Variants in ABCG2 observed in about 807,000 individuals in gnomAD.
The protein encoded by ABCG2 is ATP binding cassette subfamily G member 2 (JR blood group), also known as broad substrate specificity ATP-binding cassette transporter ABCG2.
ABCG2 carries 80 observed loss-of-function variants against 73.5 expected under a neutral mutation model. The ratio of observed to expected loss-of-function variants is 1.09; its 90% CI spans 0.91 to 1.31. ABCG2 has a LOEUF of 1.31. ABCG2 is among the 50% of genes most tolerant of loss of function. The pLI, the probability that ABCG2 is intolerant of heterozygous loss-of-function variation, is 0.00. For synonymous variants in ABCG2, 269 were observed against 282.4 expected (o/e 0.95, Z 0.48); for missense variants, 796 against 786.2 (o/e 1.01, Z -0.15).
At chr4:88,099,064 A>G (rs1722195712) in intron 12 of ABCG2, among the ~76,000 whole-genome samples, 1 of 152,206 alleles carries the variant, frequency 6.6e-6, no homozygotes, top group Non-Finnish European at 1.5e-5. Context: ...ACTGCACTCC[A>G]GCCTGGGTGA....
intron 1 of ABCG2, among the ~76,000 whole-genome samples, chr4:88,196,469 G>A (rs1214043956): frequency 6.6e-6 from 1 of 152,130 alleles, no homozygotes; most frequent in African/African-American, 2.4e-5. Context: ...GCATAAGGAA[G>A]TTTTTCTGTT....
intron 1 of ABCG2, among the ~76,000 whole-genome samples, chr4:88,189,029 A>AT (rs1728579336): frequency 6.6e-6 from 1 of 151,612 alleles, no homozygotes; most frequent in East Asian, 1.9e-4. Flanking sequence ...CAACAAAAAA[A>AT]ACACAATATT....
chr4:88,184,389 A>G (rs1728370414), intron 1 of ABCG2, among the ~76,000 whole-genome samples: 1 of 152,224 alleles, frequency 6.6e-6, no homozygotes, highest in Non-Finnish European at 1.5e-5. Flanking sequence ...ACAAAAAATC[A>G]GTAGCATTTC....
At chr4:88,169,452 G>T (rs887361921) in intron 1 of ABCG2, among the ~76,000 whole-genome samples, 1 of 152,268 alleles carries the variant, frequency 6.6e-6, no homozygotes, top group Non-Finnish European at 1.5e-5. Flanking sequence ...TCTTTATGAG[G>T]ATTCCACTTT....
In ABCG2 at chr4:88,126,286, T is replaced by C. The variant is rs1371196958; in HGVS notation, c.532-4494A>G. Among the ~76,000 whole-genome samples, 10 of 152,148 alleles carry C rather than the reference T, an allele frequency of 6.6e-5. 1 individual carries two copies. The South Asian group carries it at 1.9e-3, about 28-fold the overall frequency. On this transcript the variant is annotated intron_variant, in intron 5 of 15. Transcript: ENST00000237612. ...GTTCTGAAATTGAGGCAATAATTAA[T>C]AGCCTACCAACCAAAAAAGGTCCAG...
chr4:88,223,603 C>A (rs1468180519), intron 1 of ABCG2: 1 of 152,240 alleles, frequency 6.6e-6, no homozygotes, highest in African/African-American at 2.4e-5. Context: ...AAACCTCTTT[C>A]TTTTATAAAT....
intron 7 of ABCG2, among the ~76,000 whole-genome samples, chr4:88,115,789 A>G (rs1723536637): frequency 6.6e-6 from 1 of 151,996 alleles, no homozygotes; most frequent in African/African-American, 2.4e-5. Flanking sequence ...CTAAATATAG[A>G]CCCAAGAAAA....
intron 1 of ABCG2, among the ~76,000 whole-genome samples, chr4:88,206,184 C>T (rs188615146): frequency 3.0e-4 from 46 of 152,218 alleles, no homozygotes; most frequent in Non-Finnish European, 3.8e-4. Context: ...CCTGGCCAGG[C>T]GCGGTGTCCT....
chr4:88,184,667 C>A (rs1261819942), intron 1 of ABCG2, among the ~76,000 whole-genome samples: 2 of 152,042 alleles, frequency 1.3e-5, no homozygotes, highest in African/African-American at 4.8e-5. Context: ...ATCAAAATAC[C>A]AATGGCATTC....
At chr4:88,093,219 C>T (rs1281603839) in intron 15 of ABCG2, among the ~76,000 whole-genome samples, 1 of 152,148 alleles carries the variant, frequency 6.6e-6, no homozygotes, top group Non-Finnish European at 1.5e-5. Flanking sequence ...GAATAGCTTC[C>T]TCCTGGCCGG....
chr4:88,116,065 T>C (rs893928437), intron 7 of ABCG2, among the ~76,000 whole-genome samples: 1 of 152,068 alleles, frequency 6.6e-6, no homozygotes, highest in Non-Finnish European at 1.5e-5. Context: ...TGCATTGGCT[T>C]ATGACTATAA....
rs1205461177 is a variant in ABCG2 at position 88,195,959 on chromosome 4, C to T, written c.-20+35035G>A. On this transcript the variant is annotated intron_variant, in intron 1 of 15. Coordinates refer to the ABCG2 transcript ENST00000515655. Reference sequence around the variant, plus strand: ...GTGCATGTGCTTGATTGAGCCCATTCGCCCAGCTCCTGAGATCTTATCAGG... The same window carrying T: ...GTGCATGTGCTTGATTGAGCCCATTTGCCCAGCTCCTGAGATCTTATCAGG... Among the ~76,000 whole-genome samples the T allele has an allele frequency of 2.6e-5, 4 of 152,194 alleles. No homozygotes were observed. In the East Asian group the frequency reaches 5.8e-4, roughly 22 times the overall value.
At chr4:88,097,117 G>C (rs187186899) in intron 13 of ABCG2, among the ~76,000 whole-genome samples, 1 of 152,210 alleles carries the variant, frequency 6.6e-6, no homozygotes, top group East Asian at 1.9e-4. Flanking sequence ...TAATTCTCAA[G>C]AGAATCTGCC....
At chr4:88,187,340 C>T (rs1408838215) in intron 1 of ABCG2, among the ~76,000 whole-genome samples, 4 of 151,936 alleles carry the variant, frequency 2.6e-5, no homozygotes, top group Non-Finnish European at 4.4e-5. Flanking sequence ...TGACCAGGTG[C>T]GGTGGCTCAT....
intron 1 of ABCG2, among the ~76,000 whole-genome samples, chr4:88,209,957 C>A (rs950729490): frequency 6.6e-6 from 1 of 152,082 alleles, no homozygotes; most frequent in Non-Finnish European, 1.5e-5. Context: ...TGACTGAATA[C>A]GTTTTTTGCT....
intron 1 of ABCG2, among the ~76,000 whole-genome samples, chr4:88,151,994 T>A (rs992699092): frequency 6.6e-6 from 1 of 152,208 alleles, no homozygotes; most frequent in Non-Finnish European, 1.5e-5. Context: ...TACTTCTTCA[T>A]TGCTAGTATG....
chr4:88,205,802 C>A (rs1288216453), intron 1 of ABCG2, among the ~76,000 whole-genome samples: 1 of 152,210 alleles, frequency 6.6e-6, no homozygotes, highest in Non-Finnish European at 1.5e-5. Context: ...CCTGCATCAA[C>A]CCCCAGAGTA....
At chr4:88,108,043 C>T (rs1445883806) in intron 9 of ABCG2, among the ~76,000 whole-genome samples, 1 of 152,226 alleles carries the variant, frequency 6.6e-6, no homozygotes, top group Admixed American at 6.5e-5. Context: ...GCTGTTCTCA[C>T]CTATCTTCAC....
chr4:88,102,822 G>A (rs1722521779), intron 10 of ABCG2, among the ~76,000 whole-genome samples: 1 of 151,826 alleles, frequency 6.6e-6, no homozygotes, highest in South Asian at 2.1e-4. Flanking sequence ...GCAAACCCAA[G>A]TGAACAACAC....
Sources: allele counts gnomAD v4.1 joint callset (sites outside exome capture counted in the v4.1 genomes callset), GRCh38; gene constraint gnomAD v4.1.1; transcripts MANE v1.5; gene names NCBI Gene and HGNC (gene_info 2026-07-23, HGNC 2026-07-21).